Variants in NDUFAF2 observed in about 807,000 individuals in gnomAD.
NDUFAF2 encodes the protein NADH:ubiquinone oxidoreductase complex assembly factor 2.
A neutral mutation model predicts 22.8 loss-of-function variants in NDUFAF2; 13 were observed. That is an observed-to-expected ratio of 0.57 (90% CI 0.37 to 0.91). NDUFAF2 has a LOEUF of 0.91. Among genes scored for constraint, NDUFAF2 ranks in the 40% least tolerant of loss-of-function variants. NDUFAF2 has a pLI of 0.01. For missense variants in NDUFAF2, 162 were observed against 195.2 expected (o/e 0.83, Z 1.01); for synonymous variants, 53 against 64.2 (o/e 0.83, Z 0.84).
chr5:60,984,252 C>T (rs931892737), intron 1 of NDUFAF2, among the ~76,000 whole-genome samples: 1 of 152,114 alleles, frequency 6.6e-6, no homozygotes, highest in African/African-American at 2.4e-5. Context: ...GATTTTGTAT[C>T]CTGAGACTTT....
chr5:61,114,030 GTATTC>G (rs1752877092), intron 3 of NDUFAF2, among the ~76,000 whole-genome samples: 1 of 151,946 alleles, frequency 6.6e-6, no homozygotes. Context: ...AATCTGCTTG[GTATTC>G]TATAACCTTT....
intron 1 of NDUFAF2, among the ~76,000 whole-genome samples, chr5:61,038,292 A>G (rs947684552): frequency 6.6e-6 from 1 of 152,204 alleles, no homozygotes. Flanking sequence ...CATAATGCCT[A>G]TTCTGCAAAT....
chr5:60,999,477 A>G (rs546811843), intron 1 of NDUFAF2, among the ~76,000 whole-genome samples: 35 of 152,062 alleles, frequency 2.3e-4, no homozygotes, highest in Non-Finnish European at 4.7e-4. Context: ...ACAAAAGGGG[A>G]CGTATTGTAT....
chr5:61,109,338 A>C (rs1579834868), intron 3 of NDUFAF2, among the ~76,000 whole-genome samples: 1 of 152,184 alleles, frequency 6.6e-6, no homozygotes, highest in Non-Finnish European at 1.5e-5. Flanking sequence ...ATCAGTTCTA[A>C]CAGTTTTTTG....
intron 1 of NDUFAF2, among the ~76,000 whole-genome samples, chr5:61,013,228 T>G (rs1431425063): frequency 3.3e-5 from 5 of 152,130 alleles, no homozygotes; most frequent in Admixed American, 3.3e-4. Context: ...GAACAGCTGA[T>G]AAATAAAAAA....
chr5:61,073,533 A>G (rs1348640530), intron 2 of NDUFAF2, among the ~76,000 whole-genome samples: 3 of 152,214 alleles, frequency 2.0e-5, no homozygotes, highest in South Asian at 2.1e-4. Context: ...CACTTGCACA[A>G]TCCTAGGATT....
chr5:61,015,448 A>G (rs1157985140), intron 1 of NDUFAF2, among the ~76,000 whole-genome samples: 2 of 151,856 alleles, frequency 1.3e-5, no homozygotes, highest in Non-Finnish European at 2.9e-5. Flanking sequence ...CATCCAGCTA[A>G]TTTTTGTATT....
intron 3 of NDUFAF2, among the ~76,000 whole-genome samples, chr5:61,105,142 C>T (rs934513049): frequency 1.3e-5 from 2 of 151,580 alleles, no homozygotes; most frequent in Non-Finnish European, 2.9e-5. Context: ...TCAGATGTTA[C>T]TGGCCCTGCA....
chr5:61,061,321 A>G (rs1312805895), intron 1 of NDUFAF2, among the ~76,000 whole-genome samples: 70 of 152,066 alleles, frequency 4.6e-4, no homozygotes, highest in Admixed American at 4.4e-3. Flanking sequence ...ATTCATCATC[A>G]TGGTAAGCAA....
At position 60,945,246 on chromosome 5, in the gene NDUFAF2, G is replaced by C; in HGVS notation, c.-10G>C. 1 of 1,612,414 alleles carries C rather than the reference G, an allele frequency of 6.2e-7. No homozygotes were observed. The highest frequency in any genetic ancestry group is 1.1e-5 in the South Asian group (1 of 90,872). On this transcript the variant is annotated 5_prime_UTR_variant, in exon 1 of 4. Coordinates refer to ENST00000296597, the MANE Select transcript of NDUFAF2 (RefSeq NM_174889.5). ...CCGCTGCTGGCAGCGCTGGAAACTG[G>C]GTGGACGGCATGGGTTGGTCTCAGG... is the stretch of plus-strand genomic sequence containing the variant.
chr5:61,122,867 A>G (rs1752992964), intron 3 of NDUFAF2, among the ~76,000 whole-genome samples: 1 of 152,114 alleles, frequency 6.6e-6, no homozygotes, highest in African/African-American at 2.4e-5. Flanking sequence ...TTACAGCTCT[A>G]CAGAATATAT....
At chr5:61,045,159 G>A (rs370702687) in intron 1 of NDUFAF2, among the ~76,000 whole-genome samples, 44 of 70,766 alleles carry the variant, frequency 6.2e-4, no homozygotes, top group African/African-American at 1.8e-3. Context: ...ATAAAATAAA[G>A]TTTTATTAAA....
chr5:61,003,309 CTCTTATAA>C (rs1345262710), intron 1 of NDUFAF2, among the ~76,000 whole-genome samples: 3 of 152,172 alleles, frequency 2.0e-5, no homozygotes, highest in Admixed American at 2.0e-4. Flanking sequence ...AGTTTTTTAA[CTCTTATAA>C]TTCTAAGAAT....
At chr5:60,994,875 G>GT (rs1751208541) in intron 1 of NDUFAF2, among the ~76,000 whole-genome samples, 1 of 151,892 alleles carries the variant, frequency 6.6e-6, no homozygotes, top group South Asian at 2.1e-4. Context: ...ATACTTCATT[G>GT]TTTTTTATTT....
rs1209368595 is a variant in NDUFAF2 at position 61,080,385 on chromosome 5, C to T, written c.217+7171C>T. 2.0e-5 allele frequency among the ~76,000 whole-genome samples: 3 copies of T among 151,956 alleles called. No individual in the cohort carries two copies. The East Asian group carries it at 5.8e-4, about 29-fold the overall frequency. ...AAGATATTTTTCAATGTGGCTGTAC[C>T]ATTTTGTATTTAAGTGTAAGTTTGA... is the stretch of plus-strand genomic sequence containing the variant. On this transcript the variant is annotated intron_variant, in intron 2 of 3. Coordinates refer to ENST00000296597, the MANE Select transcript of NDUFAF2 (RefSeq NM_174889.5).
chr5:61,002,826 T>A (rs1428041211), intron 1 of NDUFAF2, among the ~76,000 whole-genome samples: 1 of 152,150 alleles, frequency 6.6e-6, no homozygotes, highest in Non-Finnish European at 1.5e-5. Context: ...ATCTGTTCAA[T>A]TGGCATTCGG....
At chr5:61,021,604 T>G (rs1751584637) in intron 1 of NDUFAF2, among the ~76,000 whole-genome samples, 3 of 152,228 alleles carry the variant, frequency 2.0e-5, no homozygotes, top group African/African-American at 2.4e-5. Context: ...ATTCACATTA[T>G]TTATATCATT....
chr5:60,958,321 T>C (rs1750643070), intron 1 of NDUFAF2, among the ~76,000 whole-genome samples: 1 of 152,208 alleles, frequency 6.6e-6, no homozygotes, highest in African/African-American at 2.4e-5. Flanking sequence ...AATTGGGTTT[T>C]GGGAGATAAA....
At chr5:61,088,791 C>G (rs1452436392) in intron 2 of NDUFAF2, among the ~76,000 whole-genome samples, 1 of 151,958 alleles carries the variant, frequency 6.6e-6, no homozygotes, top group Non-Finnish European at 1.5e-5. Flanking sequence ...TTTTTATAGT[C>G]CTTTATGAAG....
Sources: allele counts gnomAD v4.1 joint callset (sites outside exome capture counted in the v4.1 genomes callset), GRCh38; gene constraint gnomAD v4.1.1; transcripts MANE v1.5; gene names NCBI Gene and HGNC (gene_info 2026-07-23, HGNC 2026-07-21).